Variants in ARHGAP28 observed in about 807,000 individuals in gnomAD.
The protein encoded by ARHGAP28 is Rho GTPase activating protein 28, also known as rho GTPase-activating protein 28.
ARHGAP28 carries 56 observed loss-of-function variants against 90.7 expected under a neutral mutation model. The observed-to-expected ratio is 0.62, with a 90% CI of 0.50 to 0.77. ARHGAP28 has a LOEUF of 0.77. Among genes scored for constraint, ARHGAP28 ranks in the 30% least tolerant of loss-of-function variants. The pLI is 0.00. For synonymous variants in ARHGAP28, 308 were observed against 323.3 expected (o/e 0.95, Z 0.51); for missense variants, 869 against 900.9 (o/e 0.96, Z 0.45).
At chr18:6,801,418 T>G (rs1307594490) in intron 1 of ARHGAP28, among the ~76,000 whole-genome samples, 1 of 152,182 alleles carries the variant, frequency 6.6e-6, no homozygotes, top group Non-Finnish European at 1.5e-5. Flanking sequence ...TTATAACAAG[T>G]CTTGAGACAC....
At chr18:6,777,671 T>C (rs2056294859) in intron 1 of ARHGAP28, among the ~76,000 whole-genome samples, 1 of 152,060 alleles carries the variant, frequency 6.6e-6, no homozygotes, top group Non-Finnish European at 1.5e-5. Flanking sequence ...GCTGCAGTGA[T>C]CTATGATTGC....
At chr18:6,772,139 CA>C (rs34404812) in intron 1 of ARHGAP28, among the ~76,000 whole-genome samples, 4 of 151,730 alleles carry the variant, frequency 2.6e-5, no homozygotes, top group Admixed American at 2.0e-4. Context: ...GAAACAAGCC[CA>C]AAAAAGGACT....
chr18:6,896,138 GTCT>G (rs1363027007), intron 15 of ARHGAP28, among the ~76,000 whole-genome samples: 1 of 152,172 alleles, frequency 6.6e-6, no homozygotes, highest in Non-Finnish European at 1.5e-5. Flanking sequence ...CAAAAGGTTG[GTCT>G]TCTTAAAATA....
At position 6,837,313 on chromosome 18, in the gene ARHGAP28, G is replaced by A; in HGVS notation, c.442G>A (p.Ala148Thr). Residue 148 changes from alanine (A) to threonine (T), a missense_variant, in exon 3 of 18, where the codon GCC (alanine) becomes ACC (threonine). Transcript: ENST00000383472. Reference sequence around the variant, plus strand: ...CACATTGACTCGAACCCAAGCAGCTGCCGTGCAAAAGAGATACCATACCTA... The same window carrying A: ...CACATTGACTCGAACCCAAGCAGCTACCGTGCAAAAGAGATACCATACCTA... ...LSTLTRTQAA[A>T]VQKRYHTYTQ... 3.1e-6 allele frequency: 5 copies of A among 1,613,640 alleles called. No individual in the cohort carries two copies. The highest frequency in any genetic ancestry group is 2.5e-6 in the Non-Finnish European group (3 of 1,179,886).
At chr18:6,751,168 A>G (rs1029555504) in intron 1 of ARHGAP28, among the ~76,000 whole-genome samples, 5 of 152,186 alleles carry the variant, frequency 3.3e-5, no homozygotes, top group Non-Finnish European at 5.9e-5. Context: ...AAAACAAAAT[A>G]ACTGACTGCT....
At chr18:6,866,408 G>C (rs1338405626) in intron 5 of ARHGAP28, among the ~76,000 whole-genome samples, 1 of 152,070 alleles carries the variant, frequency 6.6e-6, no homozygotes, top group African/African-American at 2.4e-5. Context: ...TGAAATTTCT[G>C]CTTCCATCTC....
intron 16 of ARHGAP28, among the ~76,000 whole-genome samples, chr18:6,908,102 T>A (rs987527772): frequency 2.0e-5 from 3 of 150,504 alleles, no homozygotes; most frequent in African/African-American, 7.3e-5. Flanking sequence ...GCTTTTATTT[T>A]ATTTTATAGT....
chr18:6,870,534 G>A, intron 6 of ARHGAP28, 56 bp from the exon 7 acceptor site: 1 of 1,477,138 alleles, frequency 6.8e-7, no homozygotes, highest in South Asian at 1.2e-5. Flanking sequence ...ATAGCAAATA[G>A]TATTGATTGA....
rs2057379042 is a variant in ARHGAP28, at chr18:6,908,948, C to T, written c.2031-12C>T. ...AAGTACTAAAATTATATTATTTTCT[C>T]ATTTTTTTCAGTCATGGTTCATCAG... is the stretch of plus-strand genomic sequence containing the variant. On this transcript the variant is annotated splice_polypyrimidine_tract_variant and intron_variant, in intron 16 of 17. Transcript: ENST00000383472. 3 of 1,468,694 alleles carry T rather than the reference C, an allele frequency of 2.0e-6. No individual in the cohort carries two copies. The highest frequency in any genetic ancestry group is 2.8e-6 in the Non-Finnish European group (3 of 1,061,012). 91.0% of individuals were successfully genotyped at this position (1,468,694 alleles called of 1,614,324 possible).
intron 16 of ARHGAP28, among the ~76,000 whole-genome samples, chr18:6,907,896 A>G (rs1372058568): frequency 1.3e-5 from 2 of 152,188 alleles, no homozygotes; most frequent in African/African-American, 4.8e-5. Flanking sequence ...CAATTAAACA[A>G]AAAACAACAA....
At chr18:6,764,971 A>G (rs1437540931) in intron 1 of ARHGAP28, among the ~76,000 whole-genome samples, 1 of 151,724 alleles carries the variant, frequency 6.6e-6, no homozygotes, top group African/African-American at 2.4e-5. Flanking sequence ...CTTACACTGG[A>G]AAAAAAAAGA....
intron 1 of ARHGAP28, among the ~76,000 whole-genome samples, chr18:6,770,342 C>T (rs1450976819): frequency 6.6e-6 from 1 of 152,198 alleles, no homozygotes; most frequent in Non-Finnish European, 1.5e-5. Context: ...ACCAAATACT[C>T]AGTGCTGTCT....
chr18:6,810,703 G>T (rs775277990), intron 1 of ARHGAP28, among the ~76,000 whole-genome samples: 1 of 152,152 alleles, frequency 6.6e-6, no homozygotes, highest in Non-Finnish European at 1.5e-5. Flanking sequence ...GGTAGGAAAA[G>T]CTTTGGGGAG....
At chr18:6,876,521 G>A (rs1600275861) in intron 10 of ARHGAP28, among the ~76,000 whole-genome samples, 1 of 152,270 alleles carries the variant, frequency 6.6e-6, no homozygotes, top group East Asian at 1.9e-4. Flanking sequence ...ATCAAAAACT[G>A]CTGCTTGCCT....
intron 3 of ARHGAP28, among the ~76,000 whole-genome samples, chr18:6,840,254 C>G (rs959764413): frequency 6.6e-6 from 1 of 152,210 alleles, no homozygotes; most frequent in African/African-American, 2.4e-5. Flanking sequence ...GTCCTAAAAT[C>G]TTTGCATCCA....
intron 3 of ARHGAP28, among the ~76,000 whole-genome samples, chr18:6,839,292 ATT>A (rs368008575): frequency 1.8e-4 from 24 of 133,940 alleles, no homozygotes; most frequent in African/African-American, 3.1e-4. Flanking sequence ...AACCAGCATA[ATT>A]TTTTTTTTTT....
rs556369610 is a variant in ARHGAP28 at position 6,860,948 on chromosome 18, C to T, written c.726+1051C>T. Among the ~76,000 whole-genome samples, 113 of 152,322 alleles carry T rather than the reference C, an allele frequency of 7.4e-4. 1 individual carries two copies. Among genetic ancestry groups the T allele is most frequent in the Admixed American group, 2.0e-3 (31 of 15,306 alleles). On this transcript the variant is annotated intron_variant, in intron 5 of 17. Coordinates refer to ENST00000383472, the MANE Select transcript of ARHGAP28 (RefSeq NM_001366230.1). ...TGACTGTAAATCAGCTCTTACTTTC[C>T]CATTCAAGACCAGGCATTGGGATGC... is the stretch of plus-strand genomic sequence containing the variant.
rs1384868603 is a variant in ARHGAP28, at chr18:6,868,381, T to A, written c.811+147T>A. The A allele has an allele frequency of 6.1e-6, 4 of 661,046 alleles. No homozygotes were observed. The African/African-American group carries it at 7.2e-5, about 12-fold the overall frequency. 40.9% of individuals were successfully genotyped at this position (661,046 alleles called of 1,614,324 possible). A position where few individuals can be genotyped will look rare whatever the true frequency, so the allele number is the denominator to read the frequency against. On this transcript the variant is annotated intron_variant, in intron 6 of 17. Coordinates refer to ENST00000383472, the MANE Select transcript of ARHGAP28 (RefSeq NM_001366230.1). ...TTCTGTCACTTCCATCGCTCACTCC[T>A]TCCACCCAACTCCAAACACCCCATT...
At chr18:6,879,615 C>G (rs1055447546) in intron 10 of ARHGAP28, among the ~76,000 whole-genome samples, 6 of 152,206 alleles carry the variant, frequency 3.9e-5, no homozygotes, top group Non-Finnish European at 8.8e-5. Flanking sequence ...TTTATACTAG[C>G]CATCCAGACA....
Sources: gnomAD v4.1 joint callset for allele counts (sites outside exome capture counted in the v4.1 genomes callset) on GRCh38, gnomAD v4.1.1 for gene constraint, MANE v1.5 for transcripts, NCBI Gene and HGNC (gene_info 2026-07-23, HGNC 2026-07-21) for gene names.